AP3S1: variants seen among roughly 807,000 people sequenced by gnomAD.
AP3S1 encodes adaptor related protein complex 3 subunit sigma 1.
AP3S1 carries 12 observed loss-of-function variants against 21.3 expected under a neutral mutation model. That is an observed-to-expected ratio of 0.56 (90% CI 0.36 to 0.91). The LOEUF (loss-of-function observed/expected upper bound fraction) is 0.91, where lower values mean the gene tolerates loss of function less well. Ranked by LOEUF, AP3S1 falls within the 40% of genes least tolerant of loss-of-function variation. AP3S1 has a pLI of 0.01. For missense variants in AP3S1, 116 were observed against 225.0 expected (o/e 0.52, Z 3.10); for synonymous variants, 48 against 78.4 (o/e 0.61, Z 2.05).
chr5:115,862,121 A>T (rs924396610), intron 1 of AP3S1, among the ~76,000 whole-genome samples: 1 of 151,704 alleles, frequency 6.6e-6, no homozygotes, highest in Non-Finnish European at 1.5e-5. Flanking sequence ...GTCATTTTCA[A>T]CTTTTCTTAT....
At chr5:115,903,813 C>G (rs1033382396) in intron 5 of AP3S1, 1 of 152,034 alleles carries the variant, frequency 6.6e-6, no homozygotes, top group African/African-American at 2.4e-5. Context: ...TGTTTATTAC[C>G]CTAGCAGAGG....
intron 1 of AP3S1, among the ~76,000 whole-genome samples, chr5:115,853,387 G>A (rs1762583825): frequency 6.6e-6 from 1 of 152,160 alleles, no homozygotes; most frequent in African/African-American, 2.4e-5. Context: ...GGTATATGAT[G>A]TGCATGTATC....
chr5:115,902,856 A>C, intron 4 of AP3S1, 29 bp from the exon 5 acceptor site: 1 of 1,430,858 alleles, frequency 7.0e-7, no homozygotes, highest in Admixed American at 2.3e-5. Context: ...AATTTTCTTT[A>C]TGGGTATATA....
At position 115,869,224 on chromosome 5, in the gene AP3S1, G is replaced by A. The variant is rs376152525; in HGVS notation, c.162-793G>A. Among the ~76,000 whole-genome samples, 9 of 152,166 alleles carry A rather than the reference G, an allele frequency of 5.9e-5. No homozygotes were observed. In the East Asian group the frequency reaches 1.5e-3, roughly 26 times the overall value. On this transcript the variant is annotated intron_variant, in intron 2 of 5. Transcript: ENST00000316788. Reference sequence around the variant, plus strand: ...TTATAAATAAAAGTATTTCATGAAAGAGTTTAGTATCTTAGCTCAGTTTTC... The same window carrying A: ...TTATAAATAAAAGTATTTCATGAAAAAGTTTAGTATCTTAGCTCAGTTTTC...
intron 4 of AP3S1, among the ~76,000 whole-genome samples, chr5:115,895,532 T>C (rs752359767): frequency 6.6e-6 from 1 of 152,210 alleles, no homozygotes; most frequent in Non-Finnish European, 1.5e-5. Context: ...ATGGTCCTAC[T>C]GACAGAGATA....
At chr5:115,884,957 G>GAGTT (rs1173329404) in intron 3 of AP3S1, among the ~76,000 whole-genome samples, 1 of 152,126 alleles carries the variant, frequency 6.6e-6, no homozygotes, top group Non-Finnish European at 1.5e-5. Context: ...GTTGATCTCA[G>GAGTT]AGTTCTTCCT....
chr5:115,900,295 T>G (rs1304290981), intron 4 of AP3S1, among the ~76,000 whole-genome samples: 1 of 152,238 alleles, frequency 6.6e-6, no homozygotes, highest in East Asian at 1.9e-4. Flanking sequence ...TGGCATAAAA[T>G]TTTTAATATA....
chr5:115,849,676 G>T (rs1301132869), intron 1 of AP3S1, among the ~76,000 whole-genome samples: 2 of 152,164 alleles, frequency 1.3e-5, no homozygotes, highest in African/African-American at 4.8e-5. Flanking sequence ...GGGCAGTGAG[G>T]CTCTCCTCTG....
intron 4 of AP3S1, among the ~76,000 whole-genome samples, chr5:115,897,568 T>C (rs1750857588): frequency 6.7e-6 from 1 of 149,542 alleles, no homozygotes; most frequent in Non-Finnish European, 1.5e-5. Context: ...TCACATTTTC[T>C]TTTTTTTTTC....
chr5:115,902,588 C>G (rs1751306847), intron 4 of AP3S1, among the ~76,000 whole-genome samples: 1 of 152,030 alleles, frequency 6.6e-6, no homozygotes, highest in Admixed American at 6.6e-5. Context: ...ATTTACTAGT[C>G]ATTTACTTTG....
chr5:115,887,094 T>G (rs1174329592), intron 3 of AP3S1, among the ~76,000 whole-genome samples: 1 of 152,106 alleles, frequency 6.6e-6, no homozygotes, highest in East Asian at 1.9e-4. Flanking sequence ...TATTGGAGAG[T>G]GTACCTAGGC....
rs182704220 is a variant in AP3S1 at position 115,907,711 on chromosome 5, A to G, written c.453+4719A>G. 2.0e-4 allele frequency among the ~76,000 whole-genome samples: 31 copies of G among 152,292 alleles called. No homozygotes were observed. The East Asian group carries it at 5.2e-3, about 26-fold the overall frequency. On this transcript the variant is annotated intron_variant, in intron 5 of 5. Coordinates refer to ENST00000316788, the MANE Select transcript of AP3S1 (RefSeq NM_001284.4). ...GAATATTTTTGCAAAGCGTATTGGC[A>G]AATATTGGAAATATTTTTAATAGAC...
intron 3 of AP3S1, among the ~76,000 whole-genome samples, chr5:115,881,652 A>G (rs1749302491): frequency 2.6e-5 from 4 of 151,726 alleles, no homozygotes. Flanking sequence ...CTTCATTTCA[A>G]CCTTGGTGAA....
chr5:115,891,689 G>A (rs574340517), intron 3 of AP3S1, among the ~76,000 whole-genome samples: 65 of 152,240 alleles, frequency 4.3e-4, no homozygotes, highest in African/African-American at 1.1e-3. Flanking sequence ...GCACTGCCTC[G>A]TGGAGTTATG....
intron 1 of AP3S1, among the ~76,000 whole-genome samples, chr5:115,852,636 C>T (rs1200738039): frequency 6.6e-6 from 1 of 152,102 alleles, no homozygotes; most frequent in Non-Finnish European, 1.5e-5. Flanking sequence ...CCACTCCCCA[C>T]TGTCCCTGGC....
At chr5:115,871,631 C>T (rs1203370638) in intron 3 of AP3S1, among the ~76,000 whole-genome samples, 1 of 152,030 alleles carries the variant, frequency 6.6e-6, no homozygotes, top group Non-Finnish European at 1.5e-5. Context: ...AGTGATATAG[C>T]CTTGTGTACA....
At chr5:115,901,390 T>G in intron 4 of AP3S1, among the ~76,000 whole-genome samples, 1 of 136,422 alleles carries the variant, frequency 7.3e-6, no homozygotes, top group African/African-American at 2.8e-5. Flanking sequence ...TTTGCCTATA[T>G]TCTTTTTTTT....
intron 1 of AP3S1, among the ~76,000 whole-genome samples, chr5:115,860,197 A>T (rs1354926226): frequency 6.6e-6 from 1 of 152,170 alleles, no homozygotes; most frequent in Non-Finnish European, 1.5e-5. Context: ...TTCTCTAGTC[A>T]CATCTCCCTC....
chr5:115,891,781 G>A (rs1011052684), intron 3 of AP3S1, among the ~76,000 whole-genome samples: 5 of 152,094 alleles, frequency 3.3e-5, no homozygotes, highest in South Asian at 2.1e-4. Flanking sequence ...AGCCACAGAC[G>A]CTCAACACCA....
Sources: allele counts gnomAD v4.1 joint callset (sites outside exome capture counted in the v4.1 genomes callset), GRCh38; gene constraint gnomAD v4.1.1; transcripts MANE v1.5; gene names NCBI Gene and HGNC (gene_info 2026-07-23, HGNC 2026-07-21).